The following PDE10A variants were observed in gnomAD, a reference collection of about 807,000 sequenced individuals.
PDE10A encodes the protein cAMP and cAMP-inhibited cGMP 3',5'-cyclic phosphodiesterase 10A.
A neutral mutation model predicts 97.7 loss-of-function variants in PDE10A; 39 were observed. The observed-to-expected ratio is 0.40, with a 90% CI of 0.31 to 0.52. The LOEUF is 0.52. Among genes scored for constraint, PDE10A ranks in the 20% least tolerant of loss-of-function variants. The pLI is 0.56. For synonymous variants in PDE10A, 371 were observed against 376.8 expected, an observed-to-expected ratio of 0.98 and a Z score of 0.18; for missense variants, 731 against 1,047.8, an observed-to-expected ratio of 0.70 and a Z score of 4.17.
chr6:165,883,447 G>A (rs550195357), intron 1 of PDE10A, among the ~76,000 whole-genome samples: 1 of 151,752 alleles, frequency 6.6e-6, no homozygotes, highest in Admixed American at 6.6e-5. Context: ...GAGGCTGAGG[G>A]AGGAGACTCG....
intron 2 of PDE10A, among the ~76,000 whole-genome samples, chr6:165,539,798 G>A (rs768064956): frequency 5.3e-5 from 8 of 151,938 alleles, no homozygotes; most frequent in Non-Finnish European, 8.8e-5. Context: ...GTGGTGGTGC[G>A]CACCTGTAAT....
chr6:165,813,831 G>A (rs1294639084), intron 1 of PDE10A, among the ~76,000 whole-genome samples: 1 of 151,864 alleles, frequency 6.6e-6, no homozygotes, highest in Non-Finnish European at 1.5e-5. Flanking sequence ...CACTCATTGA[G>A]ATGGGTCACC....
At chr6:165,871,516 C>T (rs56034124) in intron 1 of PDE10A, among the ~76,000 whole-genome samples, 2,803 of 152,138 alleles carry the variant, frequency 0.018, 80 homozygotes, top group African/African-American at 0.065. Context: ...GATTAGGTGG[C>T]ACCAATTTTT....
At chr6:165,814,322 C>T (rs1361267064) in intron 1 of PDE10A, among the ~76,000 whole-genome samples, 3 of 152,120 alleles carry the variant, frequency 2.0e-5, no homozygotes, top group South Asian at 2.1e-4. Context: ...CACCCTCCAC[C>T]GCCCGTAACA....
chr6:165,566,775 GAAACTC>G (rs1028313166), intron 1 of PDE10A, among the ~76,000 whole-genome samples: 1 of 152,120 alleles, frequency 6.6e-6, no homozygotes, highest in African/African-American at 2.4e-5. Context: ...TTTTAAAAAG[GAAACTC>G]AACTCTAGTA....
intron 3 of PDE10A, among the ~76,000 whole-genome samples, chr6:165,474,117 T>C (rs1256886768): frequency 6.6e-6 from 1 of 152,192 alleles, no homozygotes; most frequent in Non-Finnish European, 1.5e-5. Flanking sequence ...GAATGTCTTT[T>C]ATAGAGTTCT....
chr6:165,757,417 T>A (rs905486500), intron 1 of PDE10A, among the ~76,000 whole-genome samples: 3 of 152,218 alleles, frequency 2.0e-5, no homozygotes, highest in Non-Finnish European at 2.9e-5. Flanking sequence ...ATACATTTTA[T>A]GTCTTCTGAA....
chr6:165,894,606 C>T (rs560395139), intron 1 of PDE10A: 29 of 445,002 alleles, frequency 6.5e-5, no homozygotes, highest in African/African-American at 1.0e-4. Flanking sequence ...CTACATATCC[C>T]GAGGAAGAGC....
chr6:165,707,878 G>A (rs1285855772), intron 1 of PDE10A, among the ~76,000 whole-genome samples: 1 of 152,034 alleles, frequency 6.6e-6, no homozygotes, highest in Admixed American at 6.5e-5. Flanking sequence ...TATGATCAAG[G>A]CTGAACACAA....
chr6:165,527,627 T>C (rs952017645), intron 2 of PDE10A, among the ~76,000 whole-genome samples: 30 of 152,204 alleles, frequency 2.0e-4, no homozygotes, highest in African/African-American at 5.8e-4. Context: ...CTGCCCATCA[T>C]GAACTGGGTG....
chr6:165,464,848 C>T (rs549784780), intron 3 of PDE10A, among the ~76,000 whole-genome samples: 1 of 152,284 alleles, frequency 6.6e-6, no homozygotes, highest in South Asian at 2.1e-4. Flanking sequence ...TGTTCCTTTC[C>T]ATTACTGGTA....
At chr6:165,703,004 G>A (rs1002481910) in intron 1 of PDE10A, among the ~76,000 whole-genome samples, 18 of 152,150 alleles carry the variant, frequency 1.2e-4, no homozygotes, top group African/African-American at 2.7e-4. Context: ...CCACTTGCCC[G>A]TGCAATTCCA....
chr6:165,580,247 G>A (rs1785539187), intron 1 of PDE10A, among the ~76,000 whole-genome samples: 1 of 152,118 alleles, frequency 6.6e-6, no homozygotes, highest in Admixed American at 6.5e-5. Context: ...GAGGAGGAAT[G>A]GGTCGGGTAT....
At chr6:165,698,002 A>G (rs1425283653) in intron 1 of PDE10A, among the ~76,000 whole-genome samples, 2 of 152,218 alleles carry the variant, frequency 1.3e-5, no homozygotes, top group African/African-American at 2.4e-5. Flanking sequence ...CCCTAGAATG[A>G]GCACCTCAGA....
intron 1 of PDE10A, among the ~76,000 whole-genome samples, chr6:165,874,664 T>A (rs1418478506): frequency 6.6e-6 from 1 of 152,242 alleles, no homozygotes; most frequent in East Asian, 1.9e-4. Context: ...TTTGCAAATC[T>A]CTGCACAGTT....
intron 18 of PDE10A, among the ~76,000 whole-genome samples, chr6:165,346,394 C>A (rs1782310849): frequency 6.6e-6 from 1 of 152,164 alleles, no homozygotes; most frequent in African/African-American, 2.4e-5. Flanking sequence ...CAAGGCATTT[C>A]TCTCTCCCGT....
intron 1 of PDE10A, among the ~76,000 whole-genome samples, chr6:165,790,125 C>T (rs1183157573): frequency 6.6e-6 from 1 of 152,178 alleles, no homozygotes. Flanking sequence ...TTGCGTATTT[C>T]TATAAATATT....
chr6:165,804,200 G>A (rs1779054085), intron 1 of PDE10A, among the ~76,000 whole-genome samples: 1 of 152,108 alleles, frequency 6.6e-6, no homozygotes, highest in Non-Finnish European at 1.5e-5. Flanking sequence ...GTGTATTTGG[G>A]GGGTGGGCTG....
chr6:165,786,510 C>G (rs181265260), intron 1 of PDE10A, among the ~76,000 whole-genome samples: 1 of 152,202 alleles, frequency 6.6e-6, no homozygotes, highest in Non-Finnish European at 1.5e-5. Flanking sequence ...TTCTCCTTCA[C>G]AGAAAGAAGA....
Sources: gnomAD v4.1 joint callset for allele counts (sites outside exome capture counted in the v4.1 genomes callset) on GRCh38, gnomAD v4.1.1 for gene constraint, MANE v1.5 for transcripts, NCBI Gene and HGNC (gene_info 2026-07-23, HGNC 2026-07-21) for gene names.